Variants in ARIH1 observed in about 807,000 individuals in gnomAD.
ARIH1 encodes the protein ariadne RBR E3 ubiquitin protein ligase 1, also known as E3 ubiquitin-protein ligase ARIH1.
ARIH1 carries 8 observed loss-of-function variants against 85.0 expected under a neutral mutation model. The observed-to-expected ratio is 0.09, with a 90% CI of 0.06 to 0.17. ARIH1 has a LOEUF of 0.17. ARIH1 is among the 10% of genes least tolerant of loss of function. The pLI is 1.00. For missense variants in ARIH1, 311 were observed against 718.1 expected (o/e 0.43, Z 6.48); for synonymous variants, 238 against 253.6 (o/e 0.94, Z 0.59).
At position 72,579,822 on chromosome 15, in the gene ARIH1, A is replaced by G. The variant is rs146762798; in HGVS notation, c.1216-909A>G. Among the ~76,000 whole-genome samples, 171 of 152,334 alleles carry G rather than the reference A, an allele frequency of 1.1e-3. 1 individual carries two copies. The highest frequency in any genetic ancestry group is 1.9e-3 in the Non-Finnish European group (131 of 68,032). On this transcript the variant is annotated intron_variant, in intron 11 of 13. Transcript: ENST00000379887. ...GCTTTTTAAATTATTAATATTTTTA[A>G]TGGACAAATCATAATTATACACATT... is the stretch of plus-strand genomic sequence containing the variant.
rs2064320713 is a variant in ARIH1, at chr15:72,587,185, ACTCC to A, written c.*3897_*3900del. 2.0e-6 allele frequency: 1 copy of A among 505,972 alleles called. No individual in the cohort carries two copies. The highest frequency in any genetic ancestry group is 4.1e-6 in the Non-Finnish European group (1 of 245,168). The allele number at this position is 505,972 out of a possible 1,614,324, so 31.3% of individuals were successfully genotyped here. A position where few individuals can be genotyped will look rare whatever the true frequency, so the allele number is the denominator to read the frequency against. ...AGATAAGGCTCACTGAGGTTAAATA[ACTCC>A]CTCAATTTTTCATTTCCTTCTACCT... On this transcript the variant is annotated 3_prime_UTR_variant, in exon 14 of 14. Coordinates refer to ENST00000379887, the MANE Select transcript of ARIH1 (RefSeq NM_005744.5).
intron 5 of ARIH1, among the ~76,000 whole-genome samples, chr15:72,560,350 T>C (rs2064192593): frequency 6.6e-6 from 1 of 152,256 alleles, no homozygotes; most frequent in Non-Finnish European, 1.5e-5. Flanking sequence ...CCTTGAGTAA[T>C]ACTTTATTGT....
chr15:72,559,921 A>G (rs1353332752), intron 5 of ARIH1, among the ~76,000 whole-genome samples: 1 of 152,174 alleles, frequency 6.6e-6, no homozygotes, highest in East Asian at 1.9e-4. Flanking sequence ...TTTTTACGGA[A>G]ATGTCTTATG....
intron 5 of ARIH1, among the ~76,000 whole-genome samples, chr15:72,556,110 G>A (rs1457432482): frequency 1.3e-5 from 2 of 152,188 alleles, no homozygotes; most frequent in Non-Finnish European, 2.9e-5. Flanking sequence ...AGAAATGCAT[G>A]GTAGCTAGAT....
chr15:72,507,622 C>T (rs1243037128), intron 1 of ARIH1, among the ~76,000 whole-genome samples: 3 of 151,890 alleles, frequency 2.0e-5, no homozygotes, highest in South Asian at 4.2e-4. Context: ...TTGCATGAGC[C>T]CAGGAATTTG....
rs935281172 is a variant in ARIH1 at position 72,589,490 on chromosome 15, A to G, written c.*6198A>G. 2.0e-5 allele frequency: 3 copies of G among 152,228 alleles called. No homozygotes were observed. Among genetic ancestry groups the G allele is most frequent in the Non-Finnish European group, 2.9e-5 (2 of 68,058 alleles). 9.4% of individuals were successfully genotyped at this position (152,228 alleles called of 1,614,324 possible). A position where few individuals can be genotyped will look rare whatever the true frequency, so the allele number is the denominator to read the frequency against. The stretch of plus-strand genomic sequence containing the variant: ...AAGTGGTATTGTCTACTATCTGTAC[A>G]TCATTCTCTTACAGCTCTTACTGCT... On this transcript the variant is annotated 3_prime_UTR_variant, in exon 14 of 14. Coordinates refer to ENST00000379887, the MANE Select transcript of ARIH1 (RefSeq NM_005744.5).
Position 72,517,771 on chromosome 15 carries a change from A to ATT in ARIH1, c.376-287_376-286dup, listed in dbSNP as rs200081464. Among the ~76,000 whole-genome samples, 10 of 148,756 alleles carry ATT rather than the reference A, an allele frequency of 6.7e-5. No homozygotes were observed. In the South Asian group the frequency reaches 1.7e-3, roughly 25 times the overall value. On this transcript the variant is annotated intron_variant, in intron 1 of 13. Transcript: ENST00000379887. ...GCTGATGTGGCAGTCTGCTGAAATT[A>ATT]TTTTTTTTTTGCAATTAAGACAGCG...
At chr15:72,563,976 C>T (rs1026425014) in intron 7 of ARIH1, among the ~76,000 whole-genome samples, 6 of 152,152 alleles carry the variant, frequency 3.9e-5, no homozygotes, top group Non-Finnish European at 8.8e-5. Flanking sequence ...ACTCTTCAGC[C>T]TCTGAATTCT....
At chr15:72,503,560 A>G (rs1032163810) in intron 1 of ARIH1, among the ~76,000 whole-genome samples, 1 of 152,166 alleles carries the variant, frequency 6.6e-6, no homozygotes, top group Non-Finnish European at 1.5e-5. Context: ...TCTTTCCCGT[A>G]ACTAAGCATC....
At chr15:72,481,768 T>A (rs2063817290) in intron 1 of ARIH1, among the ~76,000 whole-genome samples, 1 of 152,216 alleles carries the variant, frequency 6.6e-6, no homozygotes, top group South Asian at 2.1e-4. Context: ...ATGTTTGTCA[T>A]CGTAGATGCT....
At chr15:72,527,235 T>G (rs888739878) in intron 2 of ARIH1, among the ~76,000 whole-genome samples, 2 of 152,200 alleles carry the variant, frequency 1.3e-5, no homozygotes, top group Non-Finnish European at 2.9e-5. Flanking sequence ...AATCAGAATG[T>G]CAAACTATTT....
At chr15:72,534,626 A>G (rs781570255) in intron 2 of ARIH1, among the ~76,000 whole-genome samples, 3 of 152,166 alleles carry the variant, frequency 2.0e-5, no homozygotes, top group African/African-American at 7.2e-5. Context: ...AGGCTCTAGT[A>G]TATTAAATCT....
intron 1 of ARIH1, among the ~76,000 whole-genome samples, chr15:72,476,905 G>T (rs1054557379): frequency 3.3e-5 from 5 of 152,170 alleles, no homozygotes; most frequent in East Asian, 3.9e-4. Context: ...TAAATTTTTC[G>T]AGAACTTATA....
chr15:72,579,373 T>TG (rs10692723), intron 11 of ARIH1, among the ~76,000 whole-genome samples: 17,965 of 151,884 alleles, frequency 0.12, 1,142 homozygotes, highest in East Asian at 0.16. Context: ...ATTCAGTGGT[T>TG]GGGGGGGGAG....
In ARIH1 at chr15:72,543,824, A is replaced by T. The variant is rs2064117907; in HGVS notation, c.444-996A>T. The stretch of plus-strand genomic sequence containing the variant: ...TTGCACATTAATATTTTTGCTGGTT[A>T]TATTGGTTTTACAGATTGAAAAGTT... On this transcript the variant is annotated intron_variant, in intron 2 of 13. Transcript: ENST00000379887. 2.6e-5 allele frequency among the ~76,000 whole-genome samples: 4 copies of T among 151,920 alleles called. No homozygotes were observed. The South Asian group carries it at 8.3e-4, about 32-fold the overall frequency.
chr15:72,548,675 C>T (rs1364170966), intron 3 of ARIH1, among the ~76,000 whole-genome samples: 1 of 152,168 alleles, frequency 6.6e-6, no homozygotes, highest in Admixed American at 6.5e-5. Context: ...ATTTTAACCT[C>T]TTCAGTTTTG....
chr15:72,584,893 T>G lies in ARIH1; in HGVS notation c.*1601T>G, dbSNP rs1005428797. ...GTCAGTTTTATACAGGAGTGCAGAG[T>G]GAACTAGGCAACTAGATTAAGAGGT... On this transcript the variant is annotated 3_prime_UTR_variant, in exon 14 of 14. Coordinates refer to ENST00000379887, the MANE Select transcript of ARIH1 (RefSeq NM_005744.5). 2.7e-5 allele frequency: 4 copies of G among 150,490 alleles called. No homozygotes were observed. The highest frequency in any genetic ancestry group is 5.9e-5 in the Non-Finnish European group (4 of 67,794). 9.3% of individuals were successfully genotyped at this position (150,490 alleles called of 1,614,324 possible).
chr15:72,510,308 G>A (rs943781065), intron 1 of ARIH1, among the ~76,000 whole-genome samples: 1 of 151,854 alleles, frequency 6.6e-6, no homozygotes, highest in Admixed American at 6.6e-5. Context: ...CAGTGTATCC[G>A]TTTTCTCTAA....
At chr15:72,520,970 A>G (rs1241437491) in intron 2 of ARIH1, among the ~76,000 whole-genome samples, 1 of 151,830 alleles carries the variant, frequency 6.6e-6, no homozygotes, top group Non-Finnish European at 1.5e-5. Context: ...CAGCACCCCC[A>G]GTAGCTGGGA....
Sources: allele counts gnomAD v4.1 joint callset (sites outside exome capture counted in the v4.1 genomes callset), GRCh38; gene constraint gnomAD v4.1.1; transcripts MANE v1.5; gene names NCBI Gene and HGNC (gene_info 2026-07-23, HGNC 2026-07-21).